Variants in BRAP observed in about 807,000 individuals in gnomAD.
BRAP encodes BRCA1 associated protein, also known as BRCA1-associated protein.
A neutral mutation model predicts 73.4 loss-of-function variants in BRAP; 42 were observed. The ratio of observed to expected loss-of-function variants is 0.57; its 90% CI spans 0.45 to 0.74. The LOEUF (loss-of-function observed/expected upper bound fraction) is 0.74. Ranked by LOEUF, BRAP falls within the 30% of genes least tolerant of loss-of-function variation. The pLI is 0.00. For missense variants in BRAP, 593 were observed against 751.4 expected (o/e 0.79, Z 2.46); for synonymous variants, 255 against 267.4 (o/e 0.95, Z 0.45).
chr12:111,655,093 T>A (rs561286816), intron 10 of BRAP, among the ~76,000 whole-genome samples: 1 of 152,304 alleles, frequency 6.6e-6, no homozygotes, highest in African/African-American at 2.4e-5. Context: ...GACTATTTTG[T>A]TAAAATTTGA....
chr12:111,681,650 G>A lies in BRAP; in HGVS notation c.430C>T (p.Leu144=), dbSNP rs963276164. 1 of 1,609,052 alleles carries A rather than the reference G, an allele frequency of 6.2e-7. No individual in the cohort carries two copies. The highest frequency in any genetic ancestry group is 8.5e-7 in the Non-Finnish European group (1 of 1,177,178). ...GGGTTTTCTTACTTTGTCTTATATA[G>A]GTGCATAATACCATGAACTATTTCA... ...SVEIVHGIMH[L]YKTNKMTSLK... is the part of the protein sequence containing the mutation. The change falls in exon 3 of 12, where the codon CTA becomes TTA. Residue 144 remains leucine, a synonymous_variant. Coordinates refer to ENST00000419234, the MANE Select transcript of BRAP (RefSeq NM_006768.5).
chr12:111,683,927 T>G (rs1156788396), intron 1 of BRAP, among the ~76,000 whole-genome samples: 1 of 152,056 alleles, frequency 6.6e-6, no homozygotes, highest in East Asian at 1.9e-4. Context: ...AGCTAACATT[T>G]TAGTAACACC....
In BRAP at chr12:111,685,767, C is replaced by T. The variant is rs776958367; in HGVS notation, c.26G>A (p.Arg9Gln). 6.2e-7 allele frequency: 1 copy of T among 1,609,956 alleles called. No homozygotes were observed. The highest frequency in any genetic ancestry group is 1.7e-5 in the Admixed American group (1 of 59,762). Residue 9 changes from arginine to glutamine, a missense_variant, in exon 1 of 12, where the codon CGA becomes CAA. Arg to Gln is a conservative substitution (Grantham distance 43). Around this residue, in one of 4 missense-constraint regions of BRAP, gnomAD observed 304 missense variants for 337.7 expected, o/e 0.90. Coordinates refer to ENST00000419234, the MANE Select transcript of BRAP (RefSeq NM_006768.5). MSVSLVVI[R>Q]LELAEHSPVP... ...AGGCGAGTGTTCCGCGAGCTCCAAT[C>T]GGATAACAACCAGTGACACACTCAT... is the stretch of plus-strand genomic sequence containing the variant.
At chr12:111,648,167 G>A (rs907709440) in intron 11 of BRAP, among the ~76,000 whole-genome samples, 2 of 151,300 alleles carry the variant, frequency 1.3e-5, no homozygotes, top group Admixed American at 1.3e-4. Flanking sequence ...GTGTGGTGGT[G>A]TGCTCCTGTA....
chr12:111,684,778 C>T (rs762991383), intron 1 of BRAP, among the ~76,000 whole-genome samples: 23 of 152,040 alleles, frequency 1.5e-4, no homozygotes, highest in Admixed American at 2.6e-4. Flanking sequence ...AAGCGATTCT[C>T]CTGCCTCAGC....
At chr12:111,675,019 C>A (rs1452786463) in intron 4 of BRAP, among the ~76,000 whole-genome samples, 1 of 152,102 alleles carries the variant, frequency 6.6e-6, no homozygotes, top group Non-Finnish European at 1.5e-5. Context: ...CAAAACCATT[C>A]AATGAATTAT....
intron 10 of BRAP, 89 bp from the exon 11 acceptor site, chr12:111,650,131 T>C: frequency 1.0e-6 from 1 of 956,824 alleles, no homozygotes. Flanking sequence ...CCCCCAATTA[T>C]CTGTATATAA....
chr12:111,683,256 AC>A lies in BRAP; in HGVS notation c.133del (p.Val45Ter), dbSNP rs773459323. On this transcript the variant is annotated frameshift_variant, in exon 2 of 12. Coordinates refer to ENST00000419234, the MANE Select transcript of BRAP (RefSeq NM_006768.5). LOFTEE classifies it high-confidence loss of function. ...TGGTGACTTGCCTTCTAAACAGGCT[AC>A]AGCTGAGGCTAGTGTCGTCTTTTTT... The part of the protein sequence containing the change: ...EIKKTTLASA[V>X]ACLEGKSPGE... 1 of 1,614,100 alleles carries A rather than the reference AC, an allele frequency of 6.2e-7. No individual in the cohort carries two copies. The highest frequency in any genetic ancestry group is 8.5e-7 in the Non-Finnish European group (1 of 1,180,014).
chr12:111,660,460 G>T, intron 7 of BRAP, 140 bp downstream of exon 7: 1 of 644,104 alleles, frequency 1.6e-6, no homozygotes, highest in Non-Finnish European at 2.2e-6. Flanking sequence ...GACCAGCCTG[G>T]GCAACACAGT....
chr12:111,667,698 C>CAAAAAAAAAAAAAAAAAAAAAAAAA (rs565349424), intron 5 of BRAP, among the ~76,000 whole-genome samples: 17 of 21,282 alleles, frequency 8.0e-4, no homozygotes, highest in African/African-American at 1.7e-3. Flanking sequence ...AACTCCGTCT[C>CAAAAAAAAAAAAAAAAAAAAAAAAA]AAAAAAAAAA....
rs1885978627 is a variant in BRAP, at chr12:111,643,546, A to C, written c.*653T>G. 1 of 152,238 alleles carries C rather than the reference A, an allele frequency of 6.6e-6. No individual in the cohort carries two copies. The highest frequency in any genetic ancestry group is 3.4e-3 in the Middle Eastern group (1 of 294). 9.4% of individuals were successfully genotyped at this position (152,238 alleles called of 1,614,324 possible). On this transcript the variant is annotated 3_prime_UTR_variant, in exon 12 of 12. Coordinates refer to ENST00000419234, the MANE Select transcript of BRAP (RefSeq NM_006768.5). Reference sequence around the variant, plus strand: ...CCACCATTTTTCCTACACTGAGTCTACCCAATGTGCCCCGGGTTGTTTGTT... The same window carrying C: ...CCACCATTTTTCCTACACTGAGTCTCCCCAATGTGCCCCGGGTTGTTTGTT...
chr12:111,676,303 C>A (rs1339243722), intron 4 of BRAP, among the ~76,000 whole-genome samples: 1 of 152,180 alleles, frequency 6.6e-6, no homozygotes, highest in Non-Finnish European at 1.5e-5. Flanking sequence ...TAGTTAGGTG[C>A]CCAGGCTATG....
intron 5 of BRAP, among the ~76,000 whole-genome samples, chr12:111,668,636 A>C (rs1202019195): frequency 1.3e-5 from 2 of 151,992 alleles, no homozygotes; most frequent in Non-Finnish European, 2.9e-5. Flanking sequence ...GTTTACATTA[A>C]AAAGAATTCT....
chr12:111,674,811 C>T (rs1476860346), intron 4 of BRAP, among the ~76,000 whole-genome samples: 1 of 152,140 alleles, frequency 6.6e-6, no homozygotes, highest in African/African-American at 2.4e-5. Context: ...TCTTGAAATG[C>T]TTTTGGCTAA....
intron 7 of BRAP, among the ~76,000 whole-genome samples, chr12:111,659,873 A>G (rs1362600189): frequency 6.6e-6 from 1 of 151,984 alleles, no homozygotes; most frequent in African/African-American, 2.4e-5. Context: ...TTTTTGTAGA[A>G]AAAACAAAAA....
In BRAP at chr12:111,644,485, C is replaced by A; in HGVS notation, c.1493G>T (p.Arg498Leu). The change falls in exon 12 of 12, where the codon CGA (arginine) becomes CTA (leucine). Residue 498 changes from arginine (R) to leucine (L), a missense_variant. By Grantham distance (102) the Arg-to-Leu change is moderately radical (BLOSUM62 -2). Around this residue, in one of 4 missense-constraint regions of BRAP, gnomAD observed 143 missense variants for 190.4 expected, o/e 0.75. Coordinates refer to ENST00000419234, the MANE Select transcript of BRAP (RefSeq NM_006768.5). ...KEEQEMNKCL[R>L]ANQVLLQNKL... ...GTTCTGCAGGAGGACTTGGTTGGCT[C>A]GCAAACACTTGTTCATTTCCTGCTC... 8 of 1,614,098 alleles carry A rather than the reference C, an allele frequency of 5.0e-6. No homozygotes were observed. The highest frequency in any genetic ancestry group is 6.8e-6 in the Non-Finnish European group (8 of 1,180,016).
At chr12:111,652,756 G>T (rs143368168) in intron 10 of BRAP, among the ~76,000 whole-genome samples, 2 of 152,078 alleles carry the variant, frequency 1.3e-5, no homozygotes, top group African/African-American at 4.8e-5. Context: ...TGTTGCCCAG[G>T]CTGGAATGCA....
rs1167583578 is a variant in BRAP at position 111,642,534 on chromosome 12, T to C, written c.*1665A>G. 2 of 152,062 alleles carry C rather than the reference T, an allele frequency of 1.3e-5. No individual in the cohort carries two copies. The highest frequency in any genetic ancestry group is 6.6e-5 in the Admixed American group (1 of 15,244). The allele number at this position is 152,062 out of a possible 1,614,324, so 9.4% of individuals were successfully genotyped here. A position where few individuals can be genotyped will look rare whatever the true frequency, so the allele number is the denominator to read the frequency against. On this transcript the variant is annotated 3_prime_UTR_variant, in exon 12 of 12. Transcript: ENST00000419234. The stretch of plus-strand genomic sequence containing the variant: ...GCGAGCTTTGTAAACTACTTCTAAT[T>C]CTCTTCATTAGTATGCTATGATCCA...
intron 9 of BRAP, among the ~76,000 whole-genome samples, chr12:111,657,633 A>C (rs1886583347): frequency 6.6e-6 from 1 of 152,060 alleles, no homozygotes; most frequent in South Asian, 2.1e-4. Context: ...TAATCCCAGC[A>C]CTTTGGGAGG....
Sources: gnomAD v4.1 joint callset for allele counts (sites outside exome capture counted in the v4.1 genomes callset) on GRCh38, gnomAD v4.1.1 for gene constraint, gnomAD v4.1.1 regional missense constraint, MANE v1.5 for transcripts, NCBI Gene and HGNC (gene_info 2026-07-23, HGNC 2026-07-21) for gene names.